Variants in PTPRD observed in about 807,000 individuals in gnomAD.
PTPRD encodes the protein receptor-type tyrosine-protein phosphatase delta.
PTPRD carries 34 observed loss-of-function variants against 214.5 expected under a neutral mutation model. The observed-to-expected ratio is 0.16, with a 90% confidence interval of 0.12 to 0.21. The LOEUF (loss-of-function observed/expected upper bound fraction) is 0.21, where lower values mean the gene tolerates loss of function less well. PTPRD is among the 10% of genes least tolerant of loss of function. The pLI is 1.00. For synonymous variants in PTPRD, 1,128 were observed against 845.7 expected (o/e 1.33, Z -5.79); for missense variants, 2,545 against 2,398.7 (o/e 1.06, Z -1.27).
chr9:9,457,495 C>T (rs1348763184), intron 8 of PTPRD, among the ~76,000 whole-genome samples: 1 of 151,912 alleles, frequency 6.6e-6, no homozygotes, highest in African/African-American at 2.4e-5. Context: ...AAATTAAACA[C>T]TCTGAATATC....
intron 11 of PTPRD, among the ~76,000 whole-genome samples, chr9:8,972,964 G>C (rs2099247503): frequency 1.3e-5 from 2 of 150,694 alleles, no homozygotes; most frequent in South Asian, 4.2e-4. Context: ...GTTTCTTTCT[G>C]CTTTCATTTG....
At chr9:10,055,388 A>G (rs974374979) in intron 3 of PTPRD, among the ~76,000 whole-genome samples, 1 of 152,100 alleles carries the variant, frequency 6.6e-6, no homozygotes, top group African/African-American at 2.4e-5. Context: ...CATTTTCCAT[A>G]TACTCTTTCA....
At chr9:9,068,773 A>G (rs569929869) in intron 10 of PTPRD, among the ~76,000 whole-genome samples, 17 of 151,878 alleles carry the variant, frequency 1.1e-4, no homozygotes, top group Non-Finnish European at 2.2e-4. Flanking sequence ...CACCATACCT[A>G]GCTAATTTTT....
intron 3 of PTPRD, among the ~76,000 whole-genome samples, chr9:10,061,214 G>C (rs1267998480): frequency 6.6e-6 from 1 of 151,742 alleles, no homozygotes; most frequent in Non-Finnish European, 1.5e-5. Context: ...TGCATAACAA[G>C]TTCAACAGCC....
chr9:8,437,902 T>G (rs1323584), intron 34 of PTPRD, among the ~76,000 whole-genome samples: 14,446 of 152,264 alleles, frequency 0.095, 923 homozygotes, highest in East Asian at 0.26. Flanking sequence ...TTTCTCACTT[T>G]TCATATGATT....
intron 7 of PTPRD, among the ~76,000 whole-genome samples, chr9:9,706,080 G>A (rs2097598351): frequency 2.0e-5 from 3 of 152,028 alleles, no homozygotes; most frequent in Admixed American, 2.0e-4. Context: ...ACGCATAACA[G>A]TTCCTGGCAC....
chr9:9,484,558 A>T (rs920294083), intron 8 of PTPRD, among the ~76,000 whole-genome samples: 1 of 152,158 alleles, frequency 6.6e-6, no homozygotes, highest in Non-Finnish European at 1.5e-5. Context: ...CTTTAATAAA[A>T]AGCAGAACAA....
At chr9:9,908,050 C>T (rs1049099572) in intron 5 of PTPRD, among the ~76,000 whole-genome samples, 1 of 146,854 alleles carries the variant, frequency 6.8e-6, no homozygotes, top group East Asian at 2.0e-4. Flanking sequence ...AACATATACA[C>T]CAAGATTAGG....
intron 14 of PTPRD, among the ~76,000 whole-genome samples, chr9:8,572,295 A>T (rs180889418): frequency 1.3e-3 from 194 of 152,228 alleles, no homozygotes; most frequent in South Asian, 3.3e-3. Flanking sequence ...ACCTAACTAA[A>T]AAGCAAAACC....
chr9:10,556,287 C>A (rs985623021), intron 2 of PTPRD, among the ~76,000 whole-genome samples: 5 of 151,096 alleles, frequency 3.3e-5, no homozygotes, highest in Non-Finnish European at 7.4e-5. Context: ...TAAAATAATT[C>A]GAAATTTTAC....
intron 37 of PTPRD, among the ~76,000 whole-genome samples, chr9:8,379,657 T>C (rs1459265506): frequency 6.6e-6 from 1 of 152,114 alleles, no homozygotes; most frequent in Non-Finnish European, 1.5e-5. Context: ...TAAGAGAAAA[T>C]ATCATAAGGT....
chr9:8,631,246 CT>C (rs898525305), intron 14 of PTPRD, among the ~76,000 whole-genome samples: 3 of 151,868 alleles, frequency 2.0e-5, no homozygotes, highest in Admixed American at 6.6e-5. Flanking sequence ...AACTCCTATT[CT>C]TTTTTTTCCC....
At chr9:9,670,016 G>C (rs1237920591) in intron 7 of PTPRD, among the ~76,000 whole-genome samples, 3 of 152,106 alleles carry the variant, frequency 2.0e-5, no homozygotes, top group Non-Finnish European at 4.4e-5. Flanking sequence ...GATACAATGA[G>C]AAAGAGGGAG....
At chr9:8,489,843 G>T (rs558388779) in intron 27 of PTPRD, among the ~76,000 whole-genome samples, 2 of 152,156 alleles carry the variant, frequency 1.3e-5, no homozygotes, top group Non-Finnish European at 2.9e-5. Context: ...AACACTATAG[G>T]TATCAAACAT....
intron 3 of PTPRD, among the ~76,000 whole-genome samples, chr9:10,187,927 A>T (rs1267009530): frequency 6.6e-6 from 1 of 152,144 alleles, no homozygotes; most frequent in African/African-American, 2.4e-5. Flanking sequence ...CACTTGTCAA[A>T]AATTGGCAGT....
At chr9:9,384,450 A>G (rs923259981) in intron 9 of PTPRD, among the ~76,000 whole-genome samples, 4 of 142,422 alleles carry the variant, frequency 2.8e-5, no homozygotes, top group Non-Finnish European at 6.0e-5. Context: ...GTATGAATCT[A>G]ACACTAATCA....
intron 12 of PTPRD, among the ~76,000 whole-genome samples, chr9:8,688,830 C>T (rs1305738669): frequency 6.6e-6 from 1 of 152,132 alleles, no homozygotes; most frequent in Admixed American, 6.5e-5. Flanking sequence ...ATTTTCTCAT[C>T]CATGAAAAAC....
intron 8 of PTPRD, among the ~76,000 whole-genome samples, chr9:9,474,737 G>A (rs1277951335): frequency 6.6e-6 from 1 of 151,710 alleles, no homozygotes; most frequent in East Asian, 1.9e-4. Flanking sequence ...TTTTCAAATA[G>A]TTTGTTATTG....
chr9:10,366,243 T>A (rs1391160871), intron 2 of PTPRD, among the ~76,000 whole-genome samples: 1 of 152,172 alleles, frequency 6.6e-6, no homozygotes, highest in Admixed American at 6.5e-5. Context: ...CATGATCTCT[T>A]TCTGGAAACC....
Sources: allele counts gnomAD v4.1 joint callset (sites outside exome capture counted in the v4.1 genomes callset), GRCh38; gene constraint gnomAD v4.1.1; transcripts MANE v1.5; gene names NCBI Gene and HGNC (gene_info 2026-07-23, HGNC 2026-07-21).